Variants in ERG observed in about 807,000 individuals in gnomAD.
ERG encodes the protein transcriptional regulator ERG.
In ERG, 9 loss-of-function variants were observed where a neutral mutation model predicts 55.3. The ratio of observed to expected loss-of-function variants is 0.16; its 90% CI spans 0.10 to 0.28. The LOEUF (loss-of-function observed/expected upper bound fraction) is 0.28, where lower values mean the gene tolerates loss of function less well. Ranked by LOEUF, ERG falls within the 10% of genes least tolerant of loss-of-function variation. ERG has a pLI of 1.00. For synonymous variants in ERG, 223 were observed against 237.3 expected (o/e 0.94, Z 0.55); for missense variants, 434 against 631.6 (o/e 0.69, Z 3.35).
intron 1 of ERG, among the ~76,000 whole-genome samples, chr21:38,455,114 CTTTCTT>C (rs147186571): frequency 0.49 from 58,073 of 117,464 alleles, 11,864 homozygotes; most frequent in Middle Eastern, 0.59. Flanking sequence ...TTCTTTCTTT[CTTTCTT>C]TTTTTTTTTT....
Position 38,402,712 on chromosome 21 carries a change from CAAAAAA to C in ERG, c.593-81_593-76del, listed in dbSNP as rs759434219. The stretch of plus-strand genomic sequence containing the variant: ...GAGAGAAAGAGAATTACCTTTCTTA[CAAAAAA>C]AAAAAAAAAAAAAGAAAGAAAAAGA... On this transcript the variant is annotated intron_variant, in intron 4 of 9. Transcript: ENST00000288319. The C allele has an allele frequency of 8.5e-3, 1,402 of 165,040 alleles. 12 individuals are homozygous for C. Among genetic ancestry groups the C allele is most frequent in the African/African-American group, 0.043 (1,220 of 28,084 alleles). The allele number at this position is 165,040 out of a possible 1,614,324, so 10.2% of individuals were successfully genotyped here. A position where few individuals can be genotyped will look rare whatever the true frequency, so the allele number is the denominator to read the frequency against.
intron 2 of ERG, among the ~76,000 whole-genome samples, chr21:38,528,980 A>G (rs2059652304): frequency 6.6e-6 from 1 of 152,124 alleles, no homozygotes; most frequent in Admixed American, 6.5e-5. Context: ...GTCATTGTCA[A>G]CCTTTTAAAT....
At chr21:38,391,363 C>T (rs1257769292) in intron 8 of ERG, among the ~76,000 whole-genome samples, 1 of 152,176 alleles carries the variant, frequency 6.6e-6, no homozygotes, top group African/African-American at 2.4e-5. Flanking sequence ...GCCGTGCAGG[C>T]TGTGTTGTTT....
intron 1 of ERG, among the ~76,000 whole-genome samples, chr21:38,651,968 C>A (rs1453352829): frequency 3.3e-5 from 5 of 152,224 alleles, no homozygotes; most frequent in Admixed American, 2.6e-4. Context: ...ACAGTCCTGG[C>A]AAAGTGTCTC....
At chr21:38,549,224 C>A (rs918724240) in intron 2 of ERG, among the ~76,000 whole-genome samples, 3 of 152,160 alleles carry the variant, frequency 2.0e-5, no homozygotes, top group African/African-American at 7.2e-5. Context: ...TTTTTATAAA[C>A]ATCTTCCTAG....
At chr21:38,642,026 CAACAGAAGAGGACTAGG>C (rs2060428195) in intron 1 of ERG, among the ~76,000 whole-genome samples, 1 of 152,156 alleles carries the variant, frequency 6.6e-6, no homozygotes, top group Non-Finnish European at 1.5e-5. Context: ...CCTGAATACT[CAACAGAAGAGGACTAGG>C]TAGATAAATT....
chr21:38,419,641 T>C (rs189875199), intron 3 of ERG, among the ~76,000 whole-genome samples: 5 of 152,352 alleles, frequency 3.3e-5, no homozygotes, highest in Admixed American at 6.5e-5. Context: ...CTCTTTCATA[T>C]GTATCTATGT....
chr21:38,602,700 G>C lies in ERG; in HGVS notation c.-149-17755C>G, dbSNP rs75198902. Among the ~76,000 whole-genome samples the C allele has an allele frequency of 7.1e-3, 1,082 of 152,012 alleles. 22 individuals carry two copies. The highest frequency in any genetic ancestry group is 0.024 in the African/African-American group (1,002 of 41,354). On this transcript the variant is annotated intron_variant, in intron 1 of 10. Coordinates refer to the ERG transcript ENST00000398910. ...AACAATACATTCATTTGTGGGCTTT[G>C]TGATTTTTTTCCCTCTCAAGCCATT...
At chr21:38,561,881 G>A (rs958579791) in intron 2 of ERG, among the ~76,000 whole-genome samples, 1 of 152,160 alleles carries the variant, frequency 6.6e-6, no homozygotes, top group Non-Finnish European at 1.5e-5. Context: ...CCATGCTTCA[G>A]TTAAATTTGT....
At chr21:38,517,774 C>T (rs1409761483) in intron 2 of ERG, among the ~76,000 whole-genome samples, 1 of 151,958 alleles carries the variant, frequency 6.6e-6, no homozygotes, top group African/African-American at 2.4e-5. Context: ...TACTATTTGG[C>T]CATAAAAATA....
intron 1 of ERG, among the ~76,000 whole-genome samples, chr21:38,491,722 T>C (rs1008489535): frequency 6.6e-6 from 1 of 152,204 alleles, no homozygotes; most frequent in African/African-American, 2.4e-5. Flanking sequence ...TAAGGCCTTA[T>C]GGAAAACTCT....
At chr21:38,478,993 C>T (rs2059213523) in intron 1 of ERG, among the ~76,000 whole-genome samples, 1 of 152,090 alleles carries the variant, frequency 6.6e-6, no homozygotes, top group Non-Finnish European at 1.5e-5. Context: ...TTGCATGTCT[C>T]GACACTTACC....
intron 2 of ERG, among the ~76,000 whole-genome samples, chr21:38,511,149 A>G (rs2146724377): frequency 6.6e-6 from 1 of 152,346 alleles, no homozygotes; most frequent in Middle Eastern, 3.4e-3. Context: ...AAAGGTAATG[A>G]ATATAAATGA....
rs78091230 is a variant in ERG at position 38,381,450 on chromosome 21, T to C, written c.*1953A>G. On this transcript the variant is annotated 3_prime_UTR_variant, in exon 10 of 10. Coordinates refer to ENST00000288319, the MANE Select transcript of ERG (RefSeq NM_182918.4). ...TAGCCAGCAACATCAGGCTCAGGGC[T>C]AGTGAATCCCAAGCCACAGTGCCCA... The C allele has an allele frequency of 1.9e-3, 1,987 of 1,063,248 alleles. 30 individuals carry two copies. The African/African-American group carries it at 0.029, about 16-fold the overall frequency. 65.9% of individuals were successfully genotyped at this position (1,063,248 alleles called of 1,614,324 possible).
rs184302112 is a variant in ERG, at chr21:38,602,136, T to C, written c.-149-17191A>G. Among the ~76,000 whole-genome samples the C allele has an allele frequency of 4.5e-4, 68 of 152,290 alleles. No individual in the cohort carries two copies. In the East Asian group the frequency reaches 0.01, roughly 22 times the overall value. ...ACTTTTGGCTCTTTCACTGCAAACA[T>C]AGGAATTTTTAAAATAAAGAAACCA... On this transcript the variant is annotated intron_variant, in intron 1 of 10. Coordinates refer to the ERG transcript ENST00000398910.
intron 2 of ERG, among the ~76,000 whole-genome samples, chr21:38,511,037 T>C (rs1478735098): frequency 6.6e-6 from 1 of 152,242 alleles, no homozygotes; most frequent in African/African-American, 2.4e-5. Context: ...ACTGGATTAT[T>C]AGACTGCTTG....
At chr21:38,523,840 GC>G (rs1290697915) in intron 2 of ERG, among the ~76,000 whole-genome samples, 1 of 152,130 alleles carries the variant, frequency 6.6e-6, no homozygotes, top group African/African-American at 2.4e-5. Flanking sequence ...CTTCTCAGGT[GC>G]CTCCACTCTC....
rs1420724500 is a variant in ERG, at chr21:38,382,828, C to G, written c.*575G>C. On this transcript the variant is annotated 3_prime_UTR_variant, in exon 10 of 10. Transcript: ENST00000288319. ...CATCTTCACAGTTTGAGAAAGCTGA[C>G]AGCTGTCCATCAAACGGAATGTATT... 1 of 1,066,228 alleles carries G rather than the reference C, an allele frequency of 9.4e-7. No individual in the cohort carries two copies. 66.0% of individuals were successfully genotyped at this position (1,066,228 alleles called of 1,614,324 possible).
At chr21:38,367,879 C>G in the ERG span, among the ~76,000 whole-genome samples, 1 of 152,128 alleles carries the variant, frequency 6.6e-6, no homozygotes, top group Non-Finnish European at 1.5e-5. Flanking sequence ...CTGCAGAGAA[C>G]AATTAGAGTG....
Sources: allele counts gnomAD v4.1 joint callset (sites outside exome capture counted in the v4.1 genomes callset), GRCh38; gene constraint gnomAD v4.1.1; transcripts MANE v1.5; gene names NCBI Gene and HGNC (gene_info 2026-07-23, HGNC 2026-07-21).